The following LRRTM4 variants were observed in gnomAD, a reference collection of about 807,000 sequenced individuals.
LRRTM4 encodes leucine-rich repeat transmembrane neuronal protein 4.
A neutral mutation model predicts 47.6 loss-of-function variants in LRRTM4; 25 were observed. The ratio of observed to expected loss-of-function variants is 0.53; its 90% CI spans 0.38 to 0.73. The LOEUF (loss-of-function observed/expected upper bound fraction) is 0.73, where lower values mean the gene tolerates loss of function less well. Ranked by LOEUF, LRRTM4 falls within the 30% of genes least tolerant of loss-of-function variation. The pLI is 0.00. For synonymous variants in LRRTM4, 311 were observed against 269.5 expected, an observed-to-expected ratio of 1.15 and a Z score of -1.51; for missense variants, 638 against 713.4, an observed-to-expected ratio of 0.89 and a Z score of 1.20.
intron 3 of LRRTM4, among the ~76,000 whole-genome samples, chr2:77,001,269 C>G (rs1047448695): frequency 2.6e-5 from 4 of 152,010 alleles, no homozygotes; most frequent in African/African-American, 9.7e-5. Flanking sequence ...CCAGTGTGCC[C>G]CAGGCTTACC....
intron 3 of LRRTM4, among the ~76,000 whole-genome samples, chr2:77,161,265 C>T (rs1420335123): frequency 6.6e-6 from 1 of 152,166 alleles, no homozygotes; most frequent in Non-Finnish European, 1.5e-5. Context: ...CTGACGCCAA[C>T]CCAACCAGTG....
intron 3 of LRRTM4, among the ~76,000 whole-genome samples, chr2:76,827,478 G>T (rs559771844): frequency 6.6e-6 from 1 of 151,788 alleles, no homozygotes; most frequent in Admixed American, 6.6e-5. Context: ...TCCTGTGAAT[G>T]CAACTCAGAT....
chr2:77,493,868 C>A (rs1678260119), intron 3 of LRRTM4, among the ~76,000 whole-genome samples: 1 of 151,794 alleles, frequency 6.6e-6, no homozygotes, highest in Non-Finnish European at 1.5e-5. Context: ...ATAAAAATGG[C>A]AAAGAAAAAA....
intron 3 of LRRTM4, among the ~76,000 whole-genome samples, chr2:77,477,186 A>G (rs1677434683): frequency 6.6e-6 from 1 of 152,210 alleles, no homozygotes; most frequent in African/African-American, 2.4e-5. Flanking sequence ...GCACACGATC[A>G]TGATGAAATC....
chr2:76,973,986 C>T (rs1207575438), intron 3 of LRRTM4, among the ~76,000 whole-genome samples: 4 of 151,436 alleles, frequency 2.6e-5, no homozygotes, highest in Non-Finnish European at 5.9e-5. Context: ...AAGATGGAGC[C>T]TAATGTACTG....
intron 3 of LRRTM4, among the ~76,000 whole-genome samples, chr2:77,056,084 A>T (rs944731921): frequency 5.3e-4 from 79 of 150,164 alleles, no homozygotes; most frequent in Non-Finnish European, 8.4e-4. Context: ...AGATATACCT[A>T]ATGCTAAATG....
chr2:77,319,007 T>A (rs941020543), intron 3 of LRRTM4, among the ~76,000 whole-genome samples: 1 of 152,108 alleles, frequency 6.6e-6, no homozygotes, highest in Non-Finnish European at 1.5e-5. Flanking sequence ...TCTCCATTTA[T>A]AGATAGAGAA....
intron 3 of LRRTM4, among the ~76,000 whole-genome samples, chr2:77,355,125 G>A (rs1158584522): frequency 6.6e-6 from 1 of 152,052 alleles, no homozygotes; most frequent in African/African-American, 2.4e-5. Flanking sequence ...TGCCACTGAT[G>A]TTTACCATGT....
At chr2:77,254,726 T>C (rs1675714247) in intron 3 of LRRTM4, among the ~76,000 whole-genome samples, 2 of 151,914 alleles carry the variant, frequency 1.3e-5, no homozygotes, top group African/African-American at 2.4e-5. Context: ...AAAATGTTGA[T>C]AGCAGTAGAC....
Position 77,284,015 on chromosome 2 carries a change from A to G in LRRTM4, c.1551+234303T>C, listed in dbSNP as rs1441159577. On this transcript the variant is annotated intron_variant, in intron 3 of 3. Coordinates refer to ENST00000409884, the MANE Select transcript of LRRTM4 (RefSeq NM_001134745.3). ...TTTGAAGGCACAAATAAGTAAATAA[A>G]TAGGAAACAAATAGAGCATCTCATT... is the stretch of plus-strand genomic sequence containing the variant. 2.0e-5 allele frequency among the ~76,000 whole-genome samples: 3 copies of G among 152,122 alleles called. No individual in the cohort carries two copies. The East Asian group carries it at 5.8e-4, about 29-fold the overall frequency.
chr2:77,088,635 C>A (rs1021128561), intron 3 of LRRTM4, among the ~76,000 whole-genome samples: 1 of 152,198 alleles, frequency 6.6e-6, no homozygotes, highest in Non-Finnish European at 1.5e-5. Flanking sequence ...GTTGCTCACA[C>A]AAAGCCTGTT....
At chr2:77,118,855 G>A (rs1371993703) in intron 3 of LRRTM4, among the ~76,000 whole-genome samples, 1 of 151,798 alleles carries the variant, frequency 6.6e-6, no homozygotes, top group African/African-American at 2.4e-5. Context: ...ATCTTATAAA[G>A]CTGAGTAGAC....
intron 3 of LRRTM4, among the ~76,000 whole-genome samples, chr2:77,091,852 G>T (rs562885326): frequency 6.9e-6 from 1 of 145,632 alleles, no homozygotes; most frequent in Non-Finnish European, 1.5e-5. Flanking sequence ...TGCCAATCGT[G>T]TCCAACTGAT....
intron 3 of LRRTM4, among the ~76,000 whole-genome samples, chr2:76,756,291 C>T (rs1352766585): frequency 6.6e-6 from 1 of 152,128 alleles, no homozygotes; most frequent in East Asian, 1.9e-4. Flanking sequence ...CCTGTAAGCC[C>T]TGGCTTCCGT....
At chr2:77,428,105 T>C (rs1030785373) in intron 3 of LRRTM4, among the ~76,000 whole-genome samples, 1 of 152,178 alleles carries the variant, frequency 6.6e-6, no homozygotes, top group East Asian at 1.9e-4. Flanking sequence ...CACTTCTCCT[T>C]CCTGCCACCA....
chr2:76,833,959 A>G (rs1193125086), intron 3 of LRRTM4, among the ~76,000 whole-genome samples: 4 of 151,396 alleles, frequency 2.6e-5, no homozygotes, highest in Admixed American at 1.3e-4. Flanking sequence ...AAGGATGTAT[A>G]TTGTCCTATT....
intron 3 of LRRTM4, among the ~76,000 whole-genome samples, chr2:77,438,393 ATTTTTTTTTTTTTTTT>A (rs70956631): frequency 1.0e-4 from 10 of 100,184 alleles, no homozygotes; most frequent in African/African-American, 3.6e-4. Context: ...GATCATGATA[ATTTTTTTTTTTTTTTT>A]TTTTTTTTTT....
intron 3 of LRRTM4, among the ~76,000 whole-genome samples, chr2:76,781,166 C>G (rs921250411): frequency 2.4e-4 from 37 of 152,266 alleles, no homozygotes; most frequent in African/African-American, 8.9e-4. Context: ...AGCTGTCAGA[C>G]AGGGACATTT....
chr2:77,231,116 A>T (rs1674950612), intron 3 of LRRTM4, among the ~76,000 whole-genome samples: 3 of 152,176 alleles, frequency 2.0e-5, no homozygotes, highest in South Asian at 4.1e-4. Context: ...TCTAAATTTT[A>T]TCTGGCAAGT....
Sources: allele counts gnomAD v4.1 joint callset (sites outside exome capture counted in the v4.1 genomes callset), GRCh38; gene constraint gnomAD v4.1.1; transcripts MANE v1.5; gene names NCBI Gene and HGNC (gene_info 2026-07-23, HGNC 2026-07-21).